Variants in PRH1 observed in about 807,000 individuals in gnomAD.
PRH1 encodes the protein salivary acidic proline-rich phosphoprotein 1/2.
In PRH1, 7 loss-of-function variants were observed where a neutral mutation model predicts 7.9. The observed-to-expected ratio is 0.89, with a 90% CI of 0.50 to 1.67. The LOEUF (loss-of-function observed/expected upper bound fraction) is 1.67, where lower values mean the gene tolerates loss of function less well. Among genes scored for constraint, PRH1 ranks in the 40% most tolerant of loss-of-function variants. PRH1 has a pLI of 0.00. For missense variants in PRH1, 109 were observed against 223.6 expected, an observed-to-expected ratio of 0.49 and a Z score of 3.27; for synonymous variants, 45 against 80.8, an observed-to-expected ratio of 0.56 and a Z score of 2.38.
intron 2 of PRH1, chr12:10,929,128 T>C: frequency 1.1e-6 from 1 of 923,894 alleles, no homozygotes; most frequent in Non-Finnish European, 1.7e-6. Context: ...TGACCTGAAG[T>C]AAGCAAAGCA....
chr12:10,938,940 T>C (rs762549001), intron 2 of PRH1: 4 of 1,613,786 alleles, frequency 2.5e-6, no homozygotes, highest in Admixed American at 3.3e-5. Flanking sequence ...TTGATCACTG[T>C]CCAGATATTA....
At chr12:11,147,861 T>C (rs533483787) in intron 1 of PRH1, among the ~76,000 whole-genome samples, 3 of 152,198 alleles carry the variant, frequency 2.0e-5, no homozygotes, top group Admixed American at 1.3e-4. Context: ...GCATTGAATC[T>C]ATAAATTACC....
At chr12:11,038,959 C>T (rs1942578547) in intron 1 of PRH1, among the ~76,000 whole-genome samples, 1 of 152,160 alleles carries the variant, frequency 6.6e-6, no homozygotes, top group South Asian at 2.1e-4. Flanking sequence ...TGTACTTATA[C>T]TGGAGATATT....
At chr12:10,960,411 T>G (rs1938183982) in intron 2 of PRH1, among the ~76,000 whole-genome samples, 1 of 152,264 alleles carries the variant, frequency 6.6e-6, no homozygotes, top group African/African-American at 2.4e-5. Flanking sequence ...CACATTAGCA[T>G]AAACTTAAAT....
At chr12:11,138,300 T>G (rs1284689510) in intron 1 of PRH1, among the ~76,000 whole-genome samples, 1 of 152,194 alleles carries the variant, frequency 6.6e-6, no homozygotes, top group Non-Finnish European at 1.5e-5. Context: ...GTTATCTTAC[T>G]ATAGCAGTCA....
intron 1 of PRH1, chr12:11,092,032 C>T (rs138563991): frequency 1.3e-6 from 2 of 1,486,712 alleles, no homozygotes; most frequent in Non-Finnish European, 1.9e-6. Flanking sequence ...CAGTTGAATA[C>T]CAGTTTAATA....
chr12:11,121,715 T>C (rs1945911446), intron 1 of PRH1, among the ~76,000 whole-genome samples: 1 of 140,220 alleles, frequency 7.1e-6, no homozygotes, highest in Admixed American at 7.3e-5. Context: ...TTACTCTACG[T>C]ATGTTTGTCA....
chr12:10,987,783 G>A (rs963095788), intron 1 of PRH1, among the ~76,000 whole-genome samples: 1 of 152,044 alleles, frequency 6.6e-6, no homozygotes, highest in Non-Finnish European at 1.5e-5. Context: ...TAATGTTTAA[G>A]TATTTATTAT....
downstream of PRH1, among the ~76,000 whole-genome samples, chr12:11,117,630 A>G (rs1049558276): frequency 6.6e-6 from 1 of 152,160 alleles, no homozygotes; most frequent in Non-Finnish European, 1.5e-5. Flanking sequence ...AAAAAGAACA[A>G]AACTGAAGGA....
intron 1 of PRH1, chr12:11,079,070 C>A (rs75205961): frequency 7.2e-6 from 1 of 139,476 alleles, no homozygotes; most frequent in Non-Finnish European, 1.6e-5. Flanking sequence ...ACATGTTTCT[C>A]ATGCTTAGGC....
chr12:10,924,408 G>A (rs1591683815), intron 2 of PRH1, among the ~76,000 whole-genome samples: 1 of 152,182 alleles, frequency 6.6e-6, no homozygotes, highest in Non-Finnish European at 1.5e-5. Context: ...TGGACTTAGT[G>A]GATAGTCTCT....
In PRH1 at chr12:11,010,736, G is replaced by A. The variant is rs1013912898; in HGVS notation, c.-126+36284C>T. On this transcript the variant is annotated intron_variant, in intron 1 of 3. Transcript: ENST00000539853. Reference sequence around the variant, plus strand: ...GATATTTACATACACTATTATTAAAGTTAACATTTTAGAAACATTTTTCTA... The same window carrying A: ...GATATTTACATACACTATTATTAAAATTAACATTTTAGAAACATTTTTCTA... Among the ~76,000 whole-genome samples the A allele has an allele frequency of 1.1e-4, 16 of 151,814 alleles. No individual in the cohort carries two copies. The East Asian group carries it at 3.1e-3, about 29-fold the overall frequency.
At chr12:10,983,628 C>T (rs1939465871) in intron 1 of PRH1, among the ~76,000 whole-genome samples, 1 of 152,202 alleles carries the variant, frequency 6.6e-6, no homozygotes. Flanking sequence ...AAATAGAAGA[C>T]AGAAGACAGC....
intron 1 of PRH1, among the ~76,000 whole-genome samples, chr12:10,977,317 G>A (rs989762764): frequency 3.9e-5 from 6 of 151,998 alleles, no homozygotes; most frequent in African/African-American, 7.2e-5. Context: ...AACGAAAATC[G>A]CATTATCATC....
intron 1 of PRH1, among the ~76,000 whole-genome samples, chr12:11,018,740 G>A (rs369613291): frequency 3.8e-5 from 4 of 104,382 alleles, no homozygotes; most frequent in African/African-American, 3.1e-5. Context: ...AAGTGGCCAC[G>A]TGGGCATCCT....
Position 10,956,878 on chromosome 12 carries a change from G to A in PRH1, c.-59+16777C>T, listed in dbSNP as rs141978322. Among the ~76,000 whole-genome samples the A allele has an allele frequency of 4.6e-3, 694 of 152,104 alleles. 5 individuals carry two copies. Among genetic ancestry groups the A allele is most frequent in the African/African-American group, 0.016 (668 of 41,486 alleles). The stretch of plus-strand genomic sequence containing the variant: ...CAGGGAGGTGAAATATCTCTACAAA[G>A]AGTATTACAAGAGACTGTTCAATTA... On this transcript the variant is annotated intron_variant, in intron 2 of 3. Coordinates refer to the PRH1 transcript ENST00000539853.
At chr12:11,157,470 A>T (rs1220104679) in intron 1 of PRH1, among the ~76,000 whole-genome samples, 1 of 152,188 alleles carries the variant, frequency 6.6e-6, no homozygotes, top group Admixed American at 6.5e-5. Flanking sequence ...TGTTTGGTTC[A>T]TTGACTTTTA....
intron 1 of PRH1, among the ~76,000 whole-genome samples, chr12:11,129,271 CA>C (rs1458294786): frequency 6.6e-6 from 1 of 152,294 alleles, no homozygotes; most frequent in Non-Finnish European, 1.5e-5. Flanking sequence ...ATGTCCATCC[CA>C]AGGTGGATCT....
chr12:10,952,437 A>T (rs1460821525), intron 2 of PRH1, among the ~76,000 whole-genome samples: 1 of 152,188 alleles, frequency 6.6e-6, no homozygotes, highest in Non-Finnish European at 1.5e-5. Context: ...TACTCCAAAA[A>T]TATGCCTGGA....
Sources: allele counts gnomAD v4.1 joint callset (sites outside exome capture counted in the v4.1 genomes callset), GRCh38; gene constraint gnomAD v4.1.1; transcripts MANE v1.5; gene names NCBI Gene and HGNC (gene_info 2026-07-23, HGNC 2026-07-21).